The following FER1L6 variants were observed in gnomAD, a reference collection of about 807,000 sequenced individuals.
The protein encoded by FER1L6 is fer-1-like protein 6.
Under a neutral mutation model 219.2 loss-of-function variants are expected in FER1L6, and 177 were observed. That is an observed-to-expected ratio of 0.81 (90% CI 0.71 to 0.91). FER1L6 has a LOEUF of 0.91. FER1L6 is among the 40% of genes least tolerant of loss of function. The probability of loss-of-function intolerance (pLI) is 0.00; values close to 1 mark genes in which losing one functional copy is unlikely to be tolerated. For missense variants in FER1L6, 2,153 were observed against 2,259.9 expected (o/e 0.95, Z 0.96); for synonymous variants, 768 against 824.3 (o/e 0.93, Z 1.17).
At chr8:124,005,935 A>C (rs2130526529) in intron 13 of FER1L6, among the ~76,000 whole-genome samples, 1 of 152,306 alleles carries the variant, frequency 6.6e-6, no homozygotes, top group Admixed American at 6.5e-5. Context: ...GCATTCCCTG[A>C]ATTTTCTAAA....
In FER1L6 at chr8:123,853,695, C is replaced by G. The variant is rs1816569653; in HGVS notation, c.-8+1510C>G. Among the ~76,000 whole-genome samples, 1 of 152,188 alleles carries G rather than the reference C, an allele frequency of 6.6e-6. No homozygotes were observed. Among genetic ancestry groups the G allele is most frequent in the African/African-American group, 2.4e-5 (1 of 41,458 alleles). ...AGAACCTATCCAAGTTGCACGTATG[C>G]AGGTGACATGCTCATGGCTATGATG... On this transcript the variant is annotated intron_variant, in intron 1 of 40. Coordinates refer to ENST00000522917, the MANE Select transcript of FER1L6 (RefSeq NM_001039112.2). The surrounding 1 kb of genome is among the most constrained non-coding windows in gnomAD (Gnocchi z 6.6).
At chr8:124,094,843 A>T in intron 34 of FER1L6, 53 bp from the exon 35 acceptor site, 3 of 1,595,980 alleles carry the variant, frequency 1.9e-6, no homozygotes, top group Non-Finnish European at 2.6e-6. Flanking sequence ...GCAGCCCATC[A>T]CTGTCTCCTT....
chr8:124,082,198 G>C, intron 32 of FER1L6, 90 bp from the exon 33 acceptor site: 1 of 1,002,578 alleles, frequency 1.0e-6, no homozygotes, highest in Admixed American at 2.2e-5. Flanking sequence ...GAGTTCACAT[G>C]AATAGCGGGC....
At position 124,045,900 on chromosome 8, in the gene FER1L6, TG is replaced by T. The variant is rs776790150; in HGVS notation, c.2724+1del. On this transcript the variant is annotated frameshift_variant and splice_region_variant, in exon 21 of 41. Transcript: ENST00000522917. LOFTEE classifies it high-confidence loss of function. Reference sequence around the variant, plus strand: ...GTGGAGCTGTATGACAGCGACGCTGTGGTGAGTGTCCCCCTGGGCCAGTGCT... The same window carrying T: ...GTGGAGCTGTATGACAGCGACGCTGTGTGAGTGTCCCCCTGGGCCAGTGCT... Reference protein sequence around the residue: ...VVVELYDSDAVGKPEYLGATV... With the variant: ...VVVELYDSDAXGKPEYLGATV... 8.7e-6 allele frequency: 14 copies of T among 1,613,682 alleles called. No homozygotes were observed. Among genetic ancestry groups the T allele is most frequent in the African/African-American group, 1.3e-5 (1 of 74,924 alleles).
rs1031117128 is a variant in FER1L6 at position 124,103,030 on chromosome 8, A to G, written c.5126-116A>G. On this transcript the variant is annotated intron_variant, in intron 38 of 40. Transcript: ENST00000522917. ...GCACATAGTTGTGATCCAATATGGT[A>G]CTGATTGAATGAGTAGGAAGTGAAG... is the stretch of plus-strand genomic sequence containing the variant. The G allele has an allele frequency of 4.3e-6, 4 of 938,138 alleles. No homozygotes were observed. In the Admixed American group the frequency reaches 8.0e-5, roughly 19 times the overall value. The allele number at this position is 938,138 out of a possible 1,614,324, so 58.1% of individuals were successfully genotyped here. A position where few individuals can be genotyped will look rare whatever the true frequency, so the allele number is the denominator to read the frequency against.
chr8:123,886,106 C>T (rs929817780), intron 1 of FER1L6, among the ~76,000 whole-genome samples: 3 of 152,308 alleles, frequency 2.0e-5, no homozygotes, highest in Middle Eastern at 3.4e-3. Flanking sequence ...CCTATCAGGA[C>T]AATATCAACT....
chr8:123,872,072 A>T lies in FER1L6; in HGVS notation c.-8+19887A>T, dbSNP rs192721361. Among the ~76,000 whole-genome samples the T allele has an allele frequency of 2.4e-4, 37 of 152,252 alleles. No individual in the cohort carries two copies. The East Asian group carries it at 4.8e-3, about 20-fold the overall frequency. ...AAGCTTCCAAACATGGCAGAAGGTG[A>T]AGGGGGAGCAGGTGTCTCACATGGC... On this transcript the variant is annotated intron_variant, in intron 1 of 40. Coordinates refer to ENST00000522917, the MANE Select transcript of FER1L6 (RefSeq NM_001039112.2).
At chr8:123,969,706 TA>T (rs935392000) in intron 5 of FER1L6, among the ~76,000 whole-genome samples, 5 of 149,238 alleles carry the variant, frequency 3.4e-5, no homozygotes, top group African/African-American at 4.9e-5. Context: ...ACAAAAAATT[TA>T]AAAAAAAAAT....
rs1040185802 is a variant in FER1L6 at position 123,852,468 on chromosome 8, A to C, written c.-8+283A>C. ...GTTGCTTGAACTCCATGTTGTGAGC[A>C]TGCGTGTGTGTGTGTGTGTGTGTGT... On this transcript the variant is annotated intron_variant, in intron 1 of 40. Transcript: ENST00000522917. The surrounding 1 kb of genome is among the most constrained non-coding windows in gnomAD (Gnocchi z 4.9). Among the ~76,000 whole-genome samples the C allele has an allele frequency of 9.0e-5, 9 of 100,520 alleles. No homozygotes were observed. Among genetic ancestry groups the C allele is most frequent in the Non-Finnish European group, 1.4e-4 (7 of 49,736 alleles). 65.9% of individuals were successfully genotyped at this position (100,520 alleles called of 152,430 possible).
chr8:123,877,228 T>C (rs1471029077), intron 1 of FER1L6, among the ~76,000 whole-genome samples: 1 of 152,260 alleles, frequency 6.6e-6, no homozygotes, highest in African/African-American at 2.4e-5. Context: ...TATTTTTCAA[T>C]TATTGCTGAT....
At chr8:123,894,036 A>G (rs1245894770) in intron 1 of FER1L6, among the ~76,000 whole-genome samples, 1 of 152,182 alleles carries the variant, frequency 6.6e-6, no homozygotes, top group Admixed American at 6.5e-5. Flanking sequence ...CTTGATAAAT[A>G]GAAAAGGGGA....
At chr8:124,081,812 G>A (rs186910069) in intron 32 of FER1L6, among the ~76,000 whole-genome samples, 154 of 152,204 alleles carry the variant, frequency 1.0e-3, no homozygotes, top group Admixed American at 2.0e-3. Flanking sequence ...CCAGTTGAAC[G>A]CCTGAAAGTA....
At chr8:123,988,029 C>T (rs190185426) in intron 12 of FER1L6, among the ~76,000 whole-genome samples, 43 of 151,598 alleles carry the variant, frequency 2.8e-4, no homozygotes, top group Non-Finnish European at 5.3e-4. Context: ...ACCCGGGAGG[C>T]GGAGGTTGCA....
chr8:124,071,367 A>T, intron 30 of FER1L6, 139 bp from the exon 31 acceptor site: 1 of 1,036,066 alleles, frequency 9.7e-7, no homozygotes, highest in Non-Finnish European at 1.4e-6. Context: ...GCCCAAGGAC[A>T]CCCAACTGGC....
chr8:123,890,351 A>G (rs544942969), intron 1 of FER1L6, among the ~76,000 whole-genome samples: 1 of 152,176 alleles, frequency 6.6e-6, no homozygotes, highest in East Asian at 1.9e-4. Context: ...AAGTTGACTG[A>G]GTAGGAGAAA....
At chr8:123,891,281 G>A (rs1016012967) in intron 1 of FER1L6, among the ~76,000 whole-genome samples, 5 of 152,120 alleles carry the variant, frequency 3.3e-5, no homozygotes, top group African/African-American at 9.7e-5. Flanking sequence ...GGAAATGTGC[G>A]ATGATATTCT....
intron 26 of FER1L6, among the ~76,000 whole-genome samples, chr8:124,066,077 C>T (rs796728774): frequency 3.3e-5 from 5 of 152,262 alleles, no homozygotes; most frequent in African/African-American, 1.2e-4. Context: ...AAGCTAATGC[C>T]TTTTCTGCTA....
intron 1 of FER1L6, among the ~76,000 whole-genome samples, chr8:123,912,547 T>TG (rs1429908345): frequency 6.6e-6 from 1 of 151,908 alleles, no homozygotes. Context: ...CATTGAGGTT[T>TG]TTTTGGCAGG....
At chr8:123,948,644 A>T (rs1010929348) in intron 1 of FER1L6, among the ~76,000 whole-genome samples, 3 of 152,160 alleles carry the variant, frequency 2.0e-5, no homozygotes, top group Admixed American at 6.6e-5. Context: ...AAGAGGTACA[A>T]CTGACTTTTA....
Sources: allele counts gnomAD v4.1 joint callset (sites outside exome capture counted in the v4.1 genomes callset), GRCh38; gene constraint gnomAD v4.1.1; non-coding constraint Gnocchi (gnomAD v3.1); transcripts MANE v1.5; gene names NCBI Gene and HGNC (gene_info 2026-07-23, HGNC 2026-07-21).